IRAG1: variants seen among roughly 807,000 people sequenced by gnomAD.
The protein encoded by IRAG1 is inositol 1,4,5-triphosphate receptor associated 1.
Under a neutral mutation model 106.2 loss-of-function variants are expected in IRAG1, and 62 were observed. The ratio of observed to expected loss-of-function variants is 0.58; its 90% CI spans 0.48 to 0.72. IRAG1 has a LOEUF of 0.72. Ranked by LOEUF, IRAG1 falls within the 30% of genes least tolerant of loss-of-function variation. The pLI is 0.00. For missense variants in IRAG1, 1,064 were observed against 1,140.7 expected (o/e 0.93, Z 0.97); for synonymous variants, 462 against 443.9 (o/e 1.04, Z -0.51).
At chr11:10,646,925 A>G (rs1362169942) in intron 2 of IRAG1, among the ~76,000 whole-genome samples, 2 of 152,022 alleles carry the variant, frequency 1.3e-5, no homozygotes, top group Admixed American at 6.5e-5. Context: ...AGCCCACTCA[A>G]GTTAAAGTTG....
intron 10 of IRAG1, among the ~76,000 whole-genome samples, chr11:10,620,392 C>A (rs907404923): frequency 1.3e-5 from 2 of 151,860 alleles, no homozygotes; most frequent in Non-Finnish European, 1.5e-5. Context: ...GAAAGAAAGC[C>A]AATTAAGGGC....
intron 1 of IRAG1, among the ~76,000 whole-genome samples, chr11:10,692,364 A>C (rs1291127944): frequency 1.3e-5 from 2 of 152,160 alleles, no homozygotes; most frequent in African/African-American, 4.8e-5. Context: ...AGAGTCATAC[A>C]AACTCATACA....
At chr11:10,611,436 T>C (rs1854951944) in intron 10 of IRAG1, 2 of 152,106 alleles carry the variant, frequency 1.3e-5, no homozygotes, top group Non-Finnish European at 2.9e-5. Context: ...GATCGAAACA[T>C]ATGAGGTCTA....
intron 18 of IRAG1, among the ~76,000 whole-genome samples, chr11:10,584,810 T>C (rs1851783672): frequency 6.6e-6 from 1 of 151,978 alleles, no homozygotes; most frequent in Non-Finnish European, 1.5e-5. Context: ...ACATACCTGA[T>C]GGTGGAGGTG....
chr11:10,626,292 G>A lies in IRAG1; in HGVS notation c.1042C>T (p.Pro348Ser). 6.2e-7 allele frequency: 1 copy of A among 1,613,014 alleles called. No individual in the cohort carries two copies. The highest frequency in any genetic ancestry group is 8.5e-7 in the Non-Finnish European group (1 of 1,179,488). ...GWEGSPLPRS[P>S]TQDAAGVGPP... ...CCCACTCCTGCCGCATCCTGGGTTGGACTTCTCGGCAGAGGGCTGCCCTCC... is the reference window on the plus strand; with the variant it reads ...CCCACTCCTGCCGCATCCTGGGTTGAACTTCTCGGCAGAGGGCTGCCCTCC... Residue 348 changes from proline (P) to serine (S), a missense_variant, in exon 9 of 21, where the codon CCA (proline) becomes TCA (serine). Physicochemically the swap from Pro to Ser is moderately conservative, Grantham distance 74. Transcript: ENST00000423302.
rs184141099 is a variant in IRAG1, at chr11:10,596,579, A to C, written c.2018-2384T>G. On this transcript the variant is annotated intron_variant, in intron 15 of 20. Coordinates refer to ENST00000423302, the MANE Select transcript of IRAG1 (RefSeq NM_130385.4). ...AAATCCTTAGCCATTCTTTCTTGGC[A>C]TATTTTCTCTCCTTGGTTTTCCCCT... Among the ~76,000 whole-genome samples the C allele has an allele frequency of 2.0e-3, 299 of 152,300 alleles. 4 individuals carry two copies. The highest frequency in any genetic ancestry group is 1.4e-3 in the Non-Finnish European group (98 of 68,020).
Position 10,604,477 on chromosome 11 carries a change from C to T in IRAG1, c.1671G>A (p.Gln557=). Residue 557 remains glutamine, a synonymous_variant, in exon 13 of 21, where the codon CAG becomes CAA. Transcript: ENST00000423302. ...CTGTCAGGTTGCGTTCCCTTTCAGC[C>T]TGGTTAATTCTAGATTCCAGAGTGT... is the stretch of plus-strand genomic sequence containing the variant. ...DSYTLESRIN[Q]AERERNLTEE... 2.5e-6 allele frequency: 4 copies of T among 1,614,066 alleles called. No individual in the cohort carries two copies. Among genetic ancestry groups the T allele is most frequent in the Non-Finnish European group, 3.4e-6 (4 of 1,179,894 alleles).
Position 10,628,739 on chromosome 11 carries a change from G to T in IRAG1, c.652+12C>A. 1 of 1,528,788 alleles carries T rather than the reference G, an allele frequency of 6.5e-7. No homozygotes were observed. The highest frequency in any genetic ancestry group is 2.6e-5 in the East Asian group (1 of 39,170). The allele number at this position is 1,528,788 out of a possible 1,614,324, so 94.7% of individuals were successfully genotyped here. ...AGGCAGGGCAGGAAGTCCCCGGGCA[G>T]CTGGGCCTCACCTGGCGGGGTGGGG... is the stretch of plus-strand genomic sequence containing the variant. On this transcript the variant is annotated intron_variant, in intron 6 of 20. Transcript: ENST00000423302. This position sits in a 1 kb window ranked among gnomAD's most constrained non-coding sequence, Gnocchi z 4.1.
At chr11:10,616,781 T>C (rs76200976) in intron 10 of IRAG1, among the ~76,000 whole-genome samples, 2,621 of 152,246 alleles carry the variant, frequency 0.017, 84 homozygotes, top group African/African-American at 0.061. Flanking sequence ...AGGTGTTTAG[T>C]GTAAGCTATT....
chr11:10,618,620 G>C (rs1354861823), intron 10 of IRAG1, among the ~76,000 whole-genome samples: 3 of 152,216 alleles, frequency 2.0e-5, no homozygotes, highest in African/African-American at 7.2e-5. Flanking sequence ...CCCAAGAAAA[G>C]TGACATGAGC....
In IRAG1 at chr11:10,584,493, C is replaced by G. The variant is rs1851721913; in HGVS notation, c.2241-2507G>C. ...TTCCTATTTATCCAAACGACTGGAG[C>G]AAGAGGAGAAAAACATAGCTACAGC... On this transcript the variant is annotated intron_variant, in intron 18 of 20. Coordinates refer to ENST00000423302, the MANE Select transcript of IRAG1 (RefSeq NM_130385.4). Among the ~76,000 whole-genome samples the G allele has an allele frequency of 2.8e-5, 4 of 142,804 alleles. No homozygotes were observed. The South Asian group carries it at 8.8e-4, about 31-fold the overall frequency. The allele number at this position is 142,804 out of a possible 152,430, so 93.7% of individuals were successfully genotyped here. A position where few individuals can be genotyped will look rare whatever the true frequency, so the allele number is the denominator to read the frequency against.
chr11:10,605,558 G>T (rs1177934143), intron 12 of IRAG1, among the ~76,000 whole-genome samples: 1 of 152,196 alleles, frequency 6.6e-6, no homozygotes, highest in East Asian at 1.9e-4. Flanking sequence ...GGGTAAAGAG[G>T]CCAAGACCAG....
chr11:10,676,210 G>A (rs1860648135), intron 1 of IRAG1, among the ~76,000 whole-genome samples: 1 of 152,206 alleles, frequency 6.6e-6, no homozygotes, highest in Admixed American at 6.5e-5. Flanking sequence ...ATGGAGGAGT[G>A]AGGAGGGAGA....
chr11:10,644,596 G>A lies in IRAG1; in HGVS notation c.225+7429C>T, dbSNP rs73413841. The stretch of plus-strand genomic sequence containing the variant: ...ATCATGCCTGTGTCTTGGAGTTGTC[G>A]TGAGGTTGCTATGTGTAAAGTGCCT... On this transcript the variant is annotated intron_variant, in intron 2 of 20. Coordinates refer to ENST00000423302, the MANE Select transcript of IRAG1 (RefSeq NM_130385.4). 9.5e-3 allele frequency among the ~76,000 whole-genome samples: 1,443 copies of A among 152,224 alleles called. 21 individuals are homozygous for A. Among genetic ancestry groups the A allele is most frequent in the African/African-American group, 0.034 (1,393 of 41,534 alleles).
At chr11:10,663,820 G>T (rs1012020707) in intron 1 of IRAG1, among the ~76,000 whole-genome samples, 1 of 152,162 alleles carries the variant, frequency 6.6e-6, no homozygotes, top group African/African-American at 2.4e-5. Context: ...ATGTAGATAC[G>T]CTAGCTCTTG....
chr11:10,628,655 A>C lies in IRAG1; in HGVS notation c.652+96T>G. On this transcript the variant is annotated intron_variant, in intron 6 of 20. Transcript: ENST00000423302. This position sits in a 1 kb window ranked among gnomAD's most constrained non-coding sequence, Gnocchi z 4.1. ...GGGGCCATCAGAGTTCTTGAAGGGG[A>C]AGCCTGCAGGCTGGGAGGCATGCTG... 9.6e-7 allele frequency: 1 copy of C among 1,045,210 alleles called. No homozygotes were observed. Among genetic ancestry groups the C allele is most frequent in the East Asian group, 2.9e-5 (1 of 34,122 alleles). 64.7% of individuals were successfully genotyped at this position (1,045,210 alleles called of 1,614,324 possible). A position where few individuals can be genotyped will look rare whatever the true frequency, so the allele number is the denominator to read the frequency against.
At chr11:10,690,697 C>T (rs534386139) in intron 1 of IRAG1, among the ~76,000 whole-genome samples, 16 of 152,274 alleles carry the variant, frequency 1.1e-4, no homozygotes, top group South Asian at 2.1e-4. Context: ...ATGCAGGAAG[C>T]GCCCGCTTTG....
chr11:10,663,125 G>A (rs1337836341), intron 1 of IRAG1, among the ~76,000 whole-genome samples: 2 of 152,140 alleles, frequency 1.3e-5, no homozygotes, highest in South Asian at 2.1e-4. Flanking sequence ...TAGACCACCA[G>A]GAACCAGAAG....
chr11:10,591,292 T>C (rs1304619448), intron 18 of IRAG1, among the ~76,000 whole-genome samples: 2 of 152,156 alleles, frequency 1.3e-5, no homozygotes, highest in African/African-American at 4.8e-5. Context: ...GGAATCCCAA[T>C]TGGCAGAGAA....
Sources: gnomAD v4.1 joint callset for allele counts (sites outside exome capture counted in the v4.1 genomes callset) on GRCh38, gnomAD v4.1.1 for gene constraint, Gnocchi (gnomAD v3.1) non-coding constraint, MANE v1.5 for transcripts, NCBI Gene and HGNC (gene_info 2026-07-23, HGNC 2026-07-21) for gene names.